EPB41L3: variants seen among roughly 807,000 people sequenced by gnomAD.
EPB41L3 encodes erythrocyte membrane protein band 4.1 like 3, also known as band 4.1-like protein 3.
A neutral mutation model predicts 127.1 loss-of-function variants in EPB41L3; 57 were observed. The ratio of observed to expected loss-of-function variants is 0.45; its 90% CI spans 0.36 to 0.56. The LOEUF (loss-of-function observed/expected upper bound fraction) is 0.56. Among genes scored for constraint, EPB41L3 ranks in the 20% least tolerant of loss-of-function variants. The pLI, the probability that EPB41L3 is intolerant of heterozygous loss-of-function variation, is 0.00. For synonymous variants in EPB41L3, 572 were observed against 549.5 expected (o/e 1.04, Z -0.57); for missense variants, 1,273 against 1,372.2 (o/e 0.93, Z 1.14).
At chr18:5,461,273 A>C (rs563343667) in intron 3 of EPB41L3, among the ~76,000 whole-genome samples, 22 of 152,324 alleles carry the variant, frequency 1.4e-4, no homozygotes, top group African/African-American at 5.3e-4. Context: ...TTCCATAAAA[A>C]ATAACAAGTC....
chr18:5,461,923 A>G lies in EPB41L3; in HGVS notation c.381+16318T>C, dbSNP rs1047607719. 3.9e-5 allele frequency among the ~76,000 whole-genome samples: 6 copies of G among 152,172 alleles called. No homozygotes were observed. In the East Asian group the frequency reaches 7.7e-4, roughly 20 times the overall value. ...CAAGCCACAAAATGGAAGAGAAAAA[A>G]AGAATCCTTTGCCTCTCTGCTGTGC... On this transcript the variant is annotated intron_variant, in intron 3 of 22. Coordinates refer to ENST00000341928, the MANE Select transcript of EPB41L3 (RefSeq NM_012307.5).
At chr18:5,395,494 C>A in intron 20 of EPB41L3, 115 bp downstream of exon 20, 1 of 937,864 alleles carries the variant, frequency 1.1e-6, no homozygotes, top group East Asian at 2.4e-5. Flanking sequence ...ATCCCGGCGT[C>A]CTGAGCTTCA....
intron 1 of EPB41L3, among the ~76,000 whole-genome samples, chr18:5,501,233 T>C (rs1400266189): frequency 6.6e-6 from 1 of 152,172 alleles, no homozygotes; most frequent in Non-Finnish European, 1.5e-5. Context: ...TATAAAATCC[T>C]ACCAAGTAAC....
At chr18:5,552,572 G>C (rs1616724) in intron 3 of EPB41L3, among the ~76,000 whole-genome samples, 37,655 of 152,074 alleles carry the variant, frequency 0.25, 6,125 homozygotes, top group African/African-American at 0.46. Flanking sequence ...TTATGAATTG[G>C]ATCTAGCGAT....
At chr18:5,445,770 T>G (rs1373733402) in intron 3 of EPB41L3, among the ~76,000 whole-genome samples, 1 of 152,214 alleles carries the variant, frequency 6.6e-6, no homozygotes, top group South Asian at 2.1e-4. Flanking sequence ...ATTGCCAACC[T>G]GAGCTCCGCC....
At chr18:5,536,779 T>C (rs2093586746) in intron 1 of EPB41L3, among the ~76,000 whole-genome samples, 1 of 152,080 alleles carries the variant, frequency 6.6e-6, no homozygotes, top group South Asian at 2.1e-4. Flanking sequence ...TGCTGTGAGC[T>C]GATATCGTGC....
intron 6 of EPB41L3, among the ~76,000 whole-genome samples, chr18:5,437,307 T>G (rs917476260): frequency 3.3e-5 from 5 of 152,132 alleles, no homozygotes; most frequent in African/African-American, 1.2e-4. Context: ...GAGGACACAG[T>G]AAGAAGTCAG....
At chr18:5,511,746 C>T (rs371249969) in intron 1 of EPB41L3, among the ~76,000 whole-genome samples, 66 of 151,338 alleles carry the variant, frequency 4.4e-4, no homozygotes, top group East Asian at 2.9e-3. Flanking sequence ...ACCTTCCAGA[C>T]GCATACAGAC....
chr18:5,598,091 A>G (rs1010634638), intron 3 of EPB41L3, among the ~76,000 whole-genome samples: 3 of 152,174 alleles, frequency 2.0e-5, no homozygotes, highest in Admixed American at 6.6e-5. Flanking sequence ...TACTTATACC[A>G]GCAGTTCTCC....
At chr18:5,526,376 ATCT>A (rs767265758) in intron 1 of EPB41L3, among the ~76,000 whole-genome samples, 1 of 152,228 alleles carries the variant, frequency 6.6e-6, no homozygotes, top group Non-Finnish European at 1.5e-5. Flanking sequence ...CTAAGTTGAC[ATCT>A]TCTTTACCAC....
At chr18:5,528,142 G>T (rs1460304746) in intron 1 of EPB41L3, among the ~76,000 whole-genome samples, 1 of 152,144 alleles carries the variant, frequency 6.6e-6, no homozygotes, top group Non-Finnish European at 1.5e-5. Flanking sequence ...TGCAGAGAAT[G>T]CAGGGGATTT....
At chr18:5,538,756 A>G (rs1450182854) in intron 1 of EPB41L3, among the ~76,000 whole-genome samples, 1 of 152,146 alleles carries the variant, frequency 6.6e-6, no homozygotes. Context: ...CTGGCAGGAA[A>G]GGAAACCGAC....
chr18:5,484,094 A>C (rs932445601), intron 2 of EPB41L3, among the ~76,000 whole-genome samples: 9 of 107,026 alleles, frequency 8.4e-5, no homozygotes, highest in African/African-American at 4.2e-4. Context: ...CTCAAAAAAA[A>C]AAAAAAAAAA....
chr18:5,405,705 T>A (rs968476032), intron 16 of EPB41L3, among the ~76,000 whole-genome samples: 34 of 151,298 alleles, frequency 2.2e-4, no homozygotes, highest in African/African-American at 8.0e-4. Context: ...GGCAGGAGGA[T>A]CACTTAAACC....
chr18:5,427,055 G>A (rs2078285145), intron 9 of EPB41L3, among the ~76,000 whole-genome samples: 1 of 151,988 alleles, frequency 6.6e-6, no homozygotes, highest in African/African-American at 2.4e-5. Context: ...CCAGGCTGGG[G>A]TACAGTGGTG....
At chr18:5,510,586 T>C (rs2092461842) in intron 1 of EPB41L3, among the ~76,000 whole-genome samples, 1 of 152,198 alleles carries the variant, frequency 6.6e-6, no homozygotes, top group South Asian at 2.1e-4. Context: ...ACCACAAATG[T>C]GTGGCTTTAT....
intron 6 of EPB41L3, among the ~76,000 whole-genome samples, chr18:5,436,245 G>C (rs758607429): frequency 2.6e-5 from 4 of 152,008 alleles, no homozygotes; most frequent in Non-Finnish European, 1.5e-5. Context: ...GGAAGCAGAG[G>C]ACTATGAGAA....
chr18:5,617,006 G>A (rs2094802791), intron 1 of EPB41L3, among the ~76,000 whole-genome samples: 2 of 152,148 alleles, frequency 1.3e-5, no homozygotes, highest in South Asian at 4.1e-4. Context: ...TCCTGTGTTG[G>A]ACAGTATGCA....
At chr18:5,471,898 A>G (rs1215693871) in intron 3 of EPB41L3, among the ~76,000 whole-genome samples, 1 of 152,182 alleles carries the variant, frequency 6.6e-6, no homozygotes, top group Non-Finnish European at 1.5e-5. Context: ...GGGAGTTAGC[A>G]AAAAGAATGC....
Sources: gnomAD v4.1 joint callset for allele counts (sites outside exome capture counted in the v4.1 genomes callset) on GRCh38, gnomAD v4.1.1 for gene constraint, MANE v1.5 for transcripts, NCBI Gene and HGNC (gene_info 2026-07-23, HGNC 2026-07-21) for gene names.